The following ANKRD6 variants were observed in gnomAD, a reference collection of about 807,000 sequenced individuals.
ANKRD6 encodes ankyrin repeat domain 6, also known as ankyrin repeat domain-containing protein 6.
ANKRD6 carries 56 observed loss-of-function variants against 82.3 expected under a neutral mutation model. That is an observed-to-expected ratio of 0.68 (90% CI 0.55 to 0.85). ANKRD6 has a LOEUF of 0.85. Among genes scored for constraint, ANKRD6 ranks in the 40% least tolerant of loss-of-function variants. The probability of loss-of-function intolerance (pLI) is 0.00; values close to 1 mark genes in which losing one functional copy is unlikely to be tolerated. For synonymous variants in ANKRD6, 347 were observed against 352.1 expected (o/e 0.99, Z 0.16); for missense variants, 852 against 907.6 (o/e 0.94, Z 0.79).
chr6:89,573,232 A>G (rs1033452321), intron 2 of ANKRD6, among the ~76,000 whole-genome samples: 2 of 152,214 alleles, frequency 1.3e-5, no homozygotes, highest in Non-Finnish European at 2.9e-5. Context: ...AATGCTGCTC[A>G]CTGGTTAGCT....
chr6:89,448,611 A>G (rs1338505778), intron 1 of ANKRD6, among the ~76,000 whole-genome samples: 1 of 152,176 alleles, frequency 6.6e-6, no homozygotes, highest in Non-Finnish European at 1.5e-5. Flanking sequence ...CTCATTGACA[A>G]TGTACCTAGT....
rs977083943 is a variant in ANKRD6 at position 89,624,628 on chromosome 6, G to A, written c.1308G>A (p.Leu436=). Reference sequence around the variant, plus strand: ...CTGTGGAGGAGATAAAAGCAGAGCTGGGATCGGTTCAGGACAAAATGAATA... The same window carrying A: ...CTGTGGAGGAGATAAAAGCAGAGCTAGGATCGGTTCAGGACAAAATGAATA... ...EATVEEIKAE[L]GSVQDKMNTK... Residue 436 remains leucine, a synonymous_variant, in exon 13 of 16, where the codon CTG becomes CTA. Transcript: ENST00000339746. The A allele has an allele frequency of 6.3e-7, 1 of 1,585,160 alleles. No homozygotes were observed. The highest frequency in any genetic ancestry group is 8.6e-7 in the Non-Finnish European group (1 of 1,165,224).
rs138036038 is a variant in ANKRD6, at chr6:89,627,383, A to T, written c.1372-200A>T. Among the ~76,000 whole-genome samples, 21 of 152,352 alleles carry T rather than the reference A, an allele frequency of 1.4e-4. No homozygotes were observed. The East Asian group carries it at 3.9e-3, about 28-fold the overall frequency. ...AACAAATAAGATTTTTTAAAAAACG[A>T]AACGTTGGCCTCATAGAAACATGCT... On this transcript the variant is annotated intron_variant, in intron 13 of 15. Coordinates refer to ENST00000339746, the MANE Select transcript of ANKRD6 (RefSeq NM_001242809.2).
rs1798584238 is a variant in ANKRD6 at position 89,606,226 on chromosome 6, G to T, written c.417+121G>T. Reference sequence around the variant, plus strand: ...GAGCCCAGAGTGGCACGAGGAACCTGAAGGTCCATTCGGCCCAGAAGTTTC... The same window carrying T: ...GAGCCCAGAGTGGCACGAGGAACCTTAAGGTCCATTCGGCCCAGAAGTTTC... On this transcript the variant is annotated intron_variant, in intron 5 of 15. Transcript: ENST00000339746. 5 of 728,362 alleles carry T rather than the reference G, an allele frequency of 6.9e-6. No individual in the cohort carries two copies. The South Asian group carries it at 9.8e-5, about 14-fold the overall frequency. The allele number at this position is 728,362 out of a possible 1,614,324, so 45.1% of individuals were successfully genotyped here. A position where few individuals can be genotyped will look rare whatever the true frequency, so the allele number is the denominator to read the frequency against.
In ANKRD6 at chr6:89,473,455, C is replaced by T. The variant is rs558140989; in HGVS notation, c.-144+40080C>T. On this transcript the variant is annotated intron_variant, in intron 1 of 15. Transcript: ENST00000339746. ...AGTAATTTTTACTCTAAAGGTGTTA[C>T]TTCTTGTTTACTTTTCCTTTTAAAT... 2.0e-5 allele frequency among the ~76,000 whole-genome samples: 3 copies of T among 151,548 alleles called. No individual in the cohort carries two copies. In the East Asian group the frequency reaches 5.8e-4, roughly 29 times the overall value.
At chr6:89,629,619 T>C (rs767236749) in intron 15 of ANKRD6, 126 of 306,884 alleles carry the variant, frequency 4.1e-4, no homozygotes, top group Non-Finnish European at 5.2e-4. Flanking sequence ...TCCTTCTCTT[T>C]GATCTGCCTT....
At chr6:89,568,902 T>A (rs1264467087) in intron 2 of ANKRD6, among the ~76,000 whole-genome samples, 1 of 151,252 alleles carries the variant, frequency 6.6e-6, no homozygotes, top group African/African-American at 2.4e-5. Context: ...ACATTTCTAT[T>A]GTCACAATAG....
intron 1 of ANKRD6, among the ~76,000 whole-genome samples, chr6:89,460,385 T>C (rs1773979968): frequency 6.6e-6 from 1 of 152,088 alleles, no homozygotes. Flanking sequence ...TATTAAAATT[T>C]CAAAATTTTG....
At chr6:89,564,257 C>T (rs1197246557) in intron 1 of ANKRD6, among the ~76,000 whole-genome samples, 1 of 151,932 alleles carries the variant, frequency 6.6e-6, no homozygotes, top group Non-Finnish European at 1.5e-5. Flanking sequence ...TCTGTGGGTG[C>T]TTTGGTCATG....
intron 1 of ANKRD6, among the ~76,000 whole-genome samples, chr6:89,532,813 C>T (rs761845941): frequency 3.3e-5 from 5 of 151,936 alleles, no homozygotes; most frequent in Non-Finnish European, 4.4e-5. Flanking sequence ...GCCATCTTCC[C>T]ACCTCAGCCT....
At chr6:89,597,205 G>A (rs58459961) in intron 3 of ANKRD6, among the ~76,000 whole-genome samples, 112 of 152,314 alleles carry the variant, frequency 7.4e-4, no homozygotes, top group African/African-American at 2.6e-3. Flanking sequence ...CATCAAAGAT[G>A]TTATTTTCAA....
chr6:89,553,037 A>G (rs1299810405), intron 1 of ANKRD6, among the ~76,000 whole-genome samples: 1 of 152,182 alleles, frequency 6.6e-6, no homozygotes, highest in Non-Finnish European at 1.5e-5. Context: ...GCGGAAAATC[A>G]CACCTAACCT....
chr6:89,617,146 T>C (rs895102690), intron 8 of ANKRD6, among the ~76,000 whole-genome samples: 1 of 152,222 alleles, frequency 6.6e-6, no homozygotes, highest in Non-Finnish European at 1.5e-5. Context: ...TCAGGTGCGC[T>C]TTCTTCTTCG....
chr6:89,627,667 A>G lies in ANKRD6; in HGVS notation c.1456A>G (p.Thr486Ala), dbSNP rs928224723. 6.2e-7 allele frequency: 1 copy of G among 1,613,904 alleles called. No homozygotes were observed. The highest frequency in any genetic ancestry group is 1.7e-5 in the Admixed American group (1 of 60,020). ...GAACCGCCTGCAACAGCACTCAGAC[A>G]CAGAGAAGCATGAGGGGGAGAAACG... ...CLNRLQQHSDTEKHEGEKRQI... is the reference protein window; with the variant it reads ...CLNRLQQHSDAEKHEGEKRQI... The change falls in exon 14 of 16, where the codon ACA becomes GCA. Residue 486 changes from threonine (T) to alanine (A), a missense_variant. By Grantham distance (58) the Thr-to-Ala change is moderately conservative. Transcript: ENST00000339746.
rs751812085 is a variant in ANKRD6, at chr6:89,631,596, TATG to T, written c.*595_*597del. On this transcript the variant is annotated 3_prime_UTR_variant, in exon 16 of 16. Coordinates refer to ENST00000339746, the MANE Select transcript of ANKRD6 (RefSeq NM_001242809.2). ...TGATGTCACAAGATCCAATATATCTTATGATAAAATTTATTGAAAAGTCAGTTT... is the reference window on the plus strand; with the variant it reads ...TGATGTCACAAGATCCAATATATCTTATAAAATTTATTGAAAAGTCAGTTT... 9 of 152,226 alleles carry T rather than the reference TATG, an allele frequency of 5.9e-5. No homozygotes were observed. The highest frequency in any genetic ancestry group is 1.0e-4 in the Non-Finnish European group (7 of 68,044). 9.4% of individuals were successfully genotyped at this position (152,226 alleles called of 1,614,324 possible).
At chr6:89,531,409 G>T (rs898003590) in intron 1 of ANKRD6, among the ~76,000 whole-genome samples, 3 of 152,228 alleles carry the variant, frequency 2.0e-5, no homozygotes, top group Non-Finnish European at 4.4e-5. Flanking sequence ...AAGAGAAAAG[G>T]CATTAATATC....
intron 1 of ANKRD6, among the ~76,000 whole-genome samples, chr6:89,499,560 T>TG (rs1343712354): frequency 2.0e-5 from 3 of 152,056 alleles, no homozygotes; most frequent in Non-Finnish European, 4.4e-5. Flanking sequence ...GTCGCAGTGC[T>TG]GGGGGGAGGG....
intron 1 of ANKRD6, among the ~76,000 whole-genome samples, chr6:89,527,922 AC>A (rs948159579): frequency 6.6e-6 from 1 of 152,108 alleles, no homozygotes; most frequent in Admixed American, 6.5e-5. Context: ...TGTTCCTCCC[AC>A]CTCAGCCTCC....
intron 1 of ANKRD6, among the ~76,000 whole-genome samples, chr6:89,507,711 T>C (rs1020598694): frequency 1.3e-5 from 2 of 152,198 alleles, no homozygotes; most frequent in African/African-American, 2.4e-5. Flanking sequence ...GGCAGATCAG[T>C]GTCTATTTCA....
Sources: allele counts gnomAD v4.1 joint callset (sites outside exome capture counted in the v4.1 genomes callset), GRCh38; gene constraint gnomAD v4.1.1; transcripts MANE v1.5; gene names NCBI Gene and HGNC (gene_info 2026-07-23, HGNC 2026-07-21).